IMMP2L: variants seen among roughly 807,000 people sequenced by gnomAD.
IMMP2L encodes inner mitochondrial membrane peptidase subunit 2, also known as mitochondrial inner membrane protease subunit 2.
IMMP2L carries 18 observed loss-of-function variants against 19.3 expected under a neutral mutation model. The ratio of observed to expected loss-of-function variants is 0.93; its 90% confidence interval spans 0.64 to 1.38. The LOEUF (loss-of-function observed/expected upper bound fraction) is 1.38, where lower values mean the gene tolerates loss of function less well. Ranked by LOEUF, IMMP2L falls within the 40% of genes most tolerant of loss-of-function variation. The pLI is 0.00. For synonymous variants in IMMP2L, 76 were observed against 73.0 expected (o/e 1.04, Z -0.21); for missense variants, 233 against 218.2 (o/e 1.07, Z -0.43).
Position 111,281,233 on chromosome 7 carries a change from AAAGAAAGAAAGAAG to A in IMMP2L, c.239+205991_239+206004del, listed in dbSNP as rs1563005377. On this transcript the variant is annotated intron_variant, in intron 3 of 5. Transcript: ENST00000405709. ...AAGAAAGAAAAAGAAAGAAAGAAAGAAAGAAAGAAAGAAGAGAGAGAGAGAAAGAGAGAGAGAAA... is the reference window on the plus strand; with the variant it reads ...AAGAAAGAAAAAGAAAGAAAGAAAGAAGAGAGAGAGAAAGAGAGAGAGAAA... Among the ~76,000 whole-genome samples the A allele has an allele frequency of 2.0e-4, 27 of 133,658 alleles. 2 individuals carry two copies. Among genetic ancestry groups the A allele is most frequent in the African/African-American group, 7.2e-4 (24 of 33,152 alleles). 87.7% of individuals were successfully genotyped at this position (133,658 alleles called of 152,430 possible).
intron 3 of IMMP2L, among the ~76,000 whole-genome samples, chr7:111,172,011 C>T (rs1806501760): frequency 1.3e-5 from 2 of 151,022 alleles, no homozygotes; most frequent in Admixed American, 6.6e-5. Context: ...GTAATTTATT[C>T]TCTGATTTAA....
chr7:111,398,062 T>A (rs1008258732), intron 3 of IMMP2L, among the ~76,000 whole-genome samples: 1 of 152,160 alleles, frequency 6.6e-6, no homozygotes, highest in Non-Finnish European at 1.5e-5. Context: ...GAGCTAATCA[T>A]GTTTTTTTCA....
chr7:110,759,274 G>A (rs1382773764), intron 5 of IMMP2L, among the ~76,000 whole-genome samples: 2 of 152,030 alleles, frequency 1.3e-5, no homozygotes, highest in African/African-American at 2.4e-5. Context: ...AGGCTGCCTT[G>A]TAACGATCTG....
Position 111,123,669 on chromosome 7 carries a change from C to T in IMMP2L, c.240-160104G>A. ...TAAATAATATGCCTGAGCTGATTTCCATCGATAGTCTTGCTGTGGATAACC... is the reference window on the plus strand; with the variant it reads ...TAAATAATATGCCTGAGCTGATTTCTATCGATAGTCTTGCTGTGGATAACC... On this transcript the variant is annotated intron_variant, in intron 3 of 5. Transcript: ENST00000405709. This position sits in a 1 kb window ranked among gnomAD's most constrained non-coding sequence, Gnocchi z 6.4. 1 of 1,613,812 alleles carries T rather than the reference C, an allele frequency of 6.2e-7. No homozygotes were observed. The highest frequency in any genetic ancestry group is 8.5e-7 in the Non-Finnish European group (1 of 1,179,938).
At chr7:111,243,564 G>C (rs1289486507) in intron 3 of IMMP2L, among the ~76,000 whole-genome samples, 5 of 129,016 alleles carry the variant, frequency 3.9e-5, no homozygotes, top group South Asian at 2.5e-4. Context: ...TGTGCACATT[G>C]TGCAGGTTAG....
chr7:111,124,632 G>C (rs1801073720), intron 3 of IMMP2L: 1 of 1,613,986 alleles, frequency 6.2e-7, no homozygotes, highest in East Asian at 2.2e-5. Flanking sequence ...ATCAAAAAGA[G>C]TATGAAAAGA....
At chr7:110,699,545 C>T (rs1223182372) in intron 5 of IMMP2L, among the ~76,000 whole-genome samples, 7 of 151,994 alleles carry the variant, frequency 4.6e-5, no homozygotes, top group Admixed American at 1.3e-4. Context: ...CCGAGGCGGG[C>T]GGATCATCTG....
At position 110,698,773 on chromosome 7, in the gene IMMP2L, T is replaced by C. The variant is rs1462284456; in HGVS notation, c.409-35052A>G. Among the ~76,000 whole-genome samples the C allele has an allele frequency of 2.0e-5, 3 of 152,304 alleles. No homozygotes were observed. The East Asian group carries it at 5.8e-4, about 29-fold the overall frequency. ...CACTATGTGTCCAGTATTCACCTTA[T>C]CTTTCCACCACATCATTTGAGTCAT... On this transcript the variant is annotated intron_variant, in intron 5 of 5. Coordinates refer to ENST00000405709, the MANE Select transcript of IMMP2L (RefSeq NM_032549.4).
intron 4 of IMMP2L, among the ~76,000 whole-genome samples, chr7:110,904,238 T>C (rs752206591): frequency 2.6e-5 from 4 of 152,210 alleles, no homozygotes; most frequent in Non-Finnish European, 5.9e-5. Flanking sequence ...CTTTGCTCTG[T>C]AGAAGATTTT....
At chr7:111,336,672 T>C (rs192523273) in intron 3 of IMMP2L, among the ~76,000 whole-genome samples, 1 of 152,184 alleles carries the variant, frequency 6.6e-6, no homozygotes, top group East Asian at 1.9e-4. Context: ...TATTTTGTTA[T>C]ATAATTTCTT....
At chr7:111,171,184 T>C (rs558122824) in intron 3 of IMMP2L, among the ~76,000 whole-genome samples, 3,065 of 151,010 alleles carry the variant, frequency 0.02, 51 homozygotes, top group Admixed American at 0.04. Flanking sequence ...AGAAAAAGTA[T>C]GCATGCAAGA....
At chr7:111,251,709 C>G (rs1816145316) in intron 3 of IMMP2L, among the ~76,000 whole-genome samples, 1 of 151,982 alleles carries the variant, frequency 6.6e-6, no homozygotes, top group Non-Finnish European at 1.5e-5. Context: ...CACATGAACA[C>G]AGGGAGGGGA....
intron 4 of IMMP2L, among the ~76,000 whole-genome samples, chr7:110,904,224 T>C (rs1008353568): frequency 2.0e-5 from 3 of 152,198 alleles, no homozygotes; most frequent in African/African-American, 7.2e-5. Context: ...CTGTTGATTG[T>C]TTCCTTTGCT....
intron 3 of IMMP2L, among the ~76,000 whole-genome samples, chr7:111,111,907 T>A (rs1030461433): frequency 6.8e-6 from 1 of 147,954 alleles, no homozygotes; most frequent in African/African-American, 2.5e-5. Context: ...CAAAACTTTA[T>A]TTATATATTT....
chr7:111,156,656 T>C (rs1804678400), intron 3 of IMMP2L, among the ~76,000 whole-genome samples: 1 of 152,076 alleles, frequency 6.6e-6, no homozygotes, highest in Non-Finnish European at 1.5e-5. Context: ...ACAAAACTTT[T>C]ATTCTTCCTT....
chr7:111,467,905 C>T (rs1840833435), intron 3 of IMMP2L, among the ~76,000 whole-genome samples: 1 of 152,062 alleles, frequency 6.6e-6, no homozygotes, highest in African/African-American at 2.4e-5. Context: ...CTAAGGGAAA[C>T]CTGTTGTCAG....
chr7:110,770,961 T>C (rs1417979516), intron 5 of IMMP2L, among the ~76,000 whole-genome samples: 2 of 152,078 alleles, frequency 1.3e-5, no homozygotes, highest in Non-Finnish European at 2.9e-5. Flanking sequence ...ACTTGCTCTG[T>C]GGGGCCTGTG....
chr7:110,845,995 C>T (rs1468376985), intron 5 of IMMP2L, among the ~76,000 whole-genome samples: 1 of 152,154 alleles, frequency 6.6e-6, no homozygotes, highest in Non-Finnish European at 1.5e-5. Flanking sequence ...CCAGCCTGCA[C>T]AACTGTGGAG....
intron 5 of IMMP2L, among the ~76,000 whole-genome samples, chr7:110,841,884 A>G (rs1267352110): frequency 1.3e-5 from 2 of 152,184 alleles, no homozygotes; most frequent in Non-Finnish European, 2.9e-5. Context: ...ATGAGTTTCA[A>G]AATATACAAA....
Sources: gnomAD v4.1 joint callset for allele counts (sites outside exome capture counted in the v4.1 genomes callset) on GRCh38, gnomAD v4.1.1 for gene constraint, Gnocchi (gnomAD v3.1) non-coding constraint, MANE v1.5 for transcripts, NCBI Gene and HGNC (gene_info 2026-07-23, HGNC 2026-07-21) for gene names.